The following DAB1 variants were observed in gnomAD, a reference collection of about 807,000 sequenced individuals.
The protein encoded by DAB1 is disabled homolog 1.
In DAB1, 15 loss-of-function variants were observed where a neutral mutation model predicts 64.6. The ratio of observed to expected loss-of-function variants is 0.23; its 90% CI spans 0.16 to 0.36. The LOEUF is 0.36. Among genes scored for constraint, DAB1 ranks in the 10% least tolerant of loss-of-function variants. DAB1 has a pLI of 1.00. For synonymous variants in DAB1, 235 were observed against 251.9 expected (o/e 0.93, Z 0.64); for missense variants, 596 against 706.7 (o/e 0.84, Z 1.78).
At chr1:57,719,424 G>A (rs2101756195) in intron 6 of DAB1, among the ~76,000 whole-genome samples, 1 of 152,228 alleles carries the variant, frequency 6.6e-6, no homozygotes, top group African/African-American at 2.4e-5. Context: ...GTTCAGATGT[G>A]GTCTCCTAAC....
chr1:57,135,153 G>A (rs1034516927), intron 4 of DAB1, among the ~76,000 whole-genome samples: 7 of 152,052 alleles, frequency 4.6e-5, no homozygotes, highest in Admixed American at 1.3e-4. Flanking sequence ...CAGCTCAGTG[G>A]CATTACATAC....
intron 2 of DAB1, among the ~76,000 whole-genome samples, chr1:57,178,888 C>A (rs907903572): frequency 3.9e-5 from 6 of 151,974 alleles, no homozygotes; most frequent in African/African-American, 1.5e-4. Context: ...CAATTCCCAC[C>A]CCCATCGCCA....
chr1:57,876,225 T>C (rs1644043266), intron 1 of DAB1: 1 of 152,236 alleles, frequency 6.6e-6, no homozygotes, highest in Non-Finnish European at 1.5e-5. Flanking sequence ...GGAAAGAGAA[T>C]ATAGGCAACC....
intron 3 of DAB1, among the ~76,000 whole-genome samples, chr1:58,390,364 C>G (rs560607739): frequency 6.6e-6 from 1 of 152,182 alleles, no homozygotes; most frequent in African/African-American, 2.4e-5. Flanking sequence ...ATTGGTTTCA[C>G]TTGAGTTTAA....
In DAB1 at chr1:57,290,544, G is replaced by C. The variant is rs546453552; in HGVS notation, c.67+420C>G. 9.8e-5 allele frequency among the ~76,000 whole-genome samples: 15 copies of C among 152,290 alleles called. No individual in the cohort carries two copies. In the South Asian group the frequency reaches 1.9e-3, roughly 19 times the overall value. The stretch of plus-strand genomic sequence containing the variant: ...TGGAGGGTAAACAGGGATGGGGAAG[G>C]GGGGTGGTTAGGCAGAGATGTTGCT... On this transcript the variant is annotated intron_variant, in intron 2 of 14. Coordinates refer to ENST00000371236, the MANE Select transcript of DAB1 (RefSeq NM_001365792.1).
chr1:57,274,268 T>C (rs921776699), intron 2 of DAB1, among the ~76,000 whole-genome samples: 3 of 152,164 alleles, frequency 2.0e-5, no homozygotes, highest in African/African-American at 7.2e-5. Flanking sequence ...AGATACTAAA[T>C]AGCCCGCAAA....
intron 4 of DAB1, among the ~76,000 whole-genome samples, chr1:58,154,693 A>C (rs1356531986): frequency 6.6e-6 from 1 of 152,136 alleles, no homozygotes; most frequent in Non-Finnish European, 1.5e-5. Context: ...TAATTGTCAG[A>C]GCTCTGAAAG....
At chr1:57,795,369 G>C (rs1650796877) in intron 6 of DAB1, among the ~76,000 whole-genome samples, 1 of 151,890 alleles carries the variant, frequency 6.6e-6, no homozygotes, top group Non-Finnish European at 1.5e-5. Context: ...TAGGGAACTA[G>C]TATTCTGTAA....
chr1:57,683,129 G>A (rs1043261577), intron 6 of DAB1, among the ~76,000 whole-genome samples: 2 of 152,302 alleles, frequency 1.3e-5, no homozygotes, highest in Admixed American at 6.5e-5. Flanking sequence ...TCTGTGGCCC[G>A]CATTTGAGCA....
intron 9 of DAB1, among the ~76,000 whole-genome samples, chr1:57,047,825 C>A (rs1648715680): frequency 6.6e-6 from 1 of 152,168 alleles, no homozygotes; most frequent in Admixed American, 6.5e-5. Context: ...TGGAGACCTG[C>A]AGGCCCTCCA....
At chr1:57,624,056 G>A (rs932549765) in intron 7 of DAB1, among the ~76,000 whole-genome samples, 1 of 152,222 alleles carries the variant, frequency 6.6e-6, no homozygotes, top group Non-Finnish European at 1.5e-5. Context: ...CCCCAGGCAA[G>A]CTGTTTCACC....
At chr1:57,644,028 AT>A (rs1245287605) in intron 7 of DAB1, among the ~76,000 whole-genome samples, 1 of 152,138 alleles carries the variant, frequency 6.6e-6, no homozygotes, top group African/African-American at 2.4e-5. Flanking sequence ...AAATTCTGTG[AT>A]TTCCTCTCTT....
intron 3 of DAB1, among the ~76,000 whole-genome samples, chr1:58,483,209 G>T (rs1470994511): frequency 6.6e-6 from 1 of 152,160 alleles, no homozygotes; most frequent in Non-Finnish European, 1.5e-5. Context: ...AAAGGGCCTT[G>T]TGTGAATGTG....
At chr1:57,507,650 A>T (rs17115910) in intron 7 of DAB1, among the ~76,000 whole-genome samples, 1 of 152,072 alleles carries the variant, frequency 6.6e-6, no homozygotes, top group African/African-American at 2.4e-5. Flanking sequence ...CATCAACCAC[A>T]TCTTTCTCCC....
chr1:57,540,418 C>T (rs1443906606), intron 7 of DAB1, among the ~76,000 whole-genome samples: 1 of 152,090 alleles, frequency 6.6e-6, no homozygotes, highest in Non-Finnish European at 1.5e-5. Flanking sequence ...AATAGAACTA[C>T]CATACGATCC....
At chr1:58,493,093 G>A (rs898804199) in intron 3 of DAB1, among the ~76,000 whole-genome samples, 2 of 152,116 alleles carry the variant, frequency 1.3e-5, no homozygotes, top group African/African-American at 4.8e-5. Flanking sequence ...TCATCCCTGG[G>A]ATGCAAGGCT....
intron 2 of DAB1, among the ~76,000 whole-genome samples, chr1:57,198,741 T>A (rs1360170953): frequency 6.6e-6 from 1 of 151,202 alleles, no homozygotes; most frequent in East Asian, 1.9e-4. Context: ...GGAAGTGACG[T>A]GTAAGCTGGA....
chr1:58,401,363 G>A (rs1644567136), intron 3 of DAB1, among the ~76,000 whole-genome samples: 1 of 152,158 alleles, frequency 6.6e-6, no homozygotes, highest in Admixed American at 6.5e-5. Context: ...CCATAAGGGG[G>A]ATAGGAGTGG....
intron 5 of DAB1, among the ~76,000 whole-genome samples, chr1:58,148,526 ATTAGTC>A (rs1654738033): frequency 6.6e-6 from 1 of 152,178 alleles, no homozygotes; most frequent in African/African-American, 2.4e-5. Context: ...CGATCATTGT[ATTAGTC>A]CATTCTCATG....
Sources: gnomAD v4.1 joint callset for allele counts (sites outside exome capture counted in the v4.1 genomes callset) on GRCh38, gnomAD v4.1.1 for gene constraint, MANE v1.5 for transcripts, NCBI Gene and HGNC (gene_info 2026-07-23, HGNC 2026-07-21) for gene names.